The following SMYD3 variants were observed in gnomAD, a reference collection of about 807,000 sequenced individuals.
The protein encoded by SMYD3 is histone-lysine N-methyltransferase SMYD3.
SMYD3 carries 36 observed loss-of-function variants against 57.7 expected under a neutral mutation model. The observed-to-expected ratio is 0.62, with a 90% CI of 0.48 to 0.82. The LOEUF (loss-of-function observed/expected upper bound fraction) is 0.82. SMYD3 is among the 40% of genes least tolerant of loss of function. The pLI is 0.00. For synonymous variants in SMYD3, 211 were observed against 195.0 expected (o/e 1.08, Z -0.68); for missense variants, 515 against 538.8 (o/e 0.96, Z 0.44).
intron 5 of SMYD3, among the ~76,000 whole-genome samples, chr1:246,002,906 C>T (rs1431565551): frequency 6.6e-6 from 1 of 152,184 alleles, no homozygotes; most frequent in Non-Finnish European, 1.5e-5. Context: ...TGAGCCTCCG[C>T]GCCCGGCCAC....
intron 8 of SMYD3, among the ~76,000 whole-genome samples, chr1:245,868,969 AAGAGT>A (rs926744957): frequency 2.6e-5 from 4 of 152,234 alleles, no homozygotes; most frequent in South Asian, 2.1e-4. Context: ...TTGCAAATAG[AAGAGT>A]AAATTACTGT....
chr1:246,181,700 A>T (rs2062554131), intron 5 of SMYD3, among the ~76,000 whole-genome samples: 1 of 152,202 alleles, frequency 6.6e-6, no homozygotes, highest in African/African-American at 2.4e-5. Context: ...CCCCTTTGGG[A>T]TCTAGTCCTT....
chr1:245,943,783 C>T (rs1470500397), intron 5 of SMYD3, among the ~76,000 whole-genome samples: 1 of 152,146 alleles, frequency 6.6e-6, no homozygotes, highest in Non-Finnish European at 1.5e-5. Context: ...ACTTACCCAC[C>T]ATGATCAAGT....
At chr1:246,028,498 T>A (rs1343022836) in intron 5 of SMYD3, among the ~76,000 whole-genome samples, 1 of 151,984 alleles carries the variant, frequency 6.6e-6, no homozygotes, top group Non-Finnish European at 1.5e-5. Flanking sequence ...AAAACATAAA[T>A]AAAGTATCTA....
chr1:246,075,323 A>ATAAGAACTCAGTCTTACATGG (rs2060528263), intron 5 of SMYD3, among the ~76,000 whole-genome samples: 1 of 152,226 alleles, frequency 6.6e-6, no homozygotes, highest in Non-Finnish European at 1.5e-5. Flanking sequence ...GACGGCAGTG[A>ATAAGAACTCAGTCTTACATGG]TAAGAACTCA....
intron 10 of SMYD3, among the ~76,000 whole-genome samples, chr1:245,806,676 C>A (rs1039244112): frequency 6.6e-6 from 1 of 150,776 alleles, no homozygotes; most frequent in Non-Finnish European, 1.5e-5. Context: ...TTTGGGAGGC[C>A]GAGGCGGGTG....
chr1:246,394,944 T>G (rs1010274979), intron 1 of SMYD3, among the ~76,000 whole-genome samples: 1 of 152,072 alleles, frequency 6.6e-6, no homozygotes, highest in Non-Finnish European at 1.5e-5. Flanking sequence ...TTAGCTACAC[T>G]TTATTATATG....
chr1:246,110,459 T>C (rs1365190958), intron 5 of SMYD3, among the ~76,000 whole-genome samples: 2 of 152,202 alleles, frequency 1.3e-5, no homozygotes, highest in African/African-American at 4.8e-5. Context: ...TCAGCAGCTC[T>C]CTTACACTGT....
chr1:246,428,252 G>T (rs1163537180), intron 1 of SMYD3, among the ~76,000 whole-genome samples: 2 of 152,186 alleles, frequency 1.3e-5, no homozygotes, highest in South Asian at 4.1e-4. Flanking sequence ...AAAGTATGCA[G>T]TGGGAAGGAA....
intron 5 of SMYD3, among the ~76,000 whole-genome samples, chr1:246,233,806 A>G (rs371226180): frequency 1.6e-5 from 2 of 128,620 alleles, no homozygotes; most frequent in Admixed American, 8.0e-5. Context: ...TGATGAACAT[A>G]TACCACACAG....
chr1:246,315,130 A>G (rs2065136412), intron 5 of SMYD3, among the ~76,000 whole-genome samples: 1 of 152,196 alleles, frequency 6.6e-6, no homozygotes. Context: ...AAAAATGGGA[A>G]GGCTATGGTA....
chr1:245,887,637 A>T (rs1386919567), intron 8 of SMYD3, among the ~76,000 whole-genome samples: 1 of 152,180 alleles, frequency 6.6e-6, no homozygotes, highest in African/African-American at 2.4e-5. Flanking sequence ...TCTCCTGTGA[A>T]GTCTTTCTAG....
intron 5 of SMYD3, among the ~76,000 whole-genome samples, chr1:246,123,177 G>A (rs2061449686): frequency 6.6e-6 from 1 of 152,120 alleles, no homozygotes; most frequent in East Asian, 1.9e-4. Flanking sequence ...CAAAAAATGA[G>A]CTGAATATGT....
At chr1:246,273,751 A>AT (rs1414495032) in intron 5 of SMYD3, among the ~76,000 whole-genome samples, 5 of 150,880 alleles carry the variant, frequency 3.3e-5, no homozygotes, top group Admixed American at 2.6e-4. Context: ...CACCCTGCTA[A>AT]TTTTTGTATT....
chr1:245,805,451 T>G (rs751153435), intron 10 of SMYD3, among the ~76,000 whole-genome samples: 2 of 152,234 alleles, frequency 1.3e-5, no homozygotes, highest in Non-Finnish European at 2.9e-5. Flanking sequence ...ATGTTTCTAA[T>G]CAGTTTTGTC....
At chr1:246,005,255 C>T (rs980800569) in intron 5 of SMYD3, among the ~76,000 whole-genome samples, 2 of 152,174 alleles carry the variant, frequency 1.3e-5, no homozygotes, top group Non-Finnish European at 2.9e-5. Flanking sequence ...CTTAATTAGC[C>T]AGATAGAGCA....
intron 1 of SMYD3, among the ~76,000 whole-genome samples, chr1:246,493,071 TAAATA>T (rs1254581976): frequency 6.6e-6 from 1 of 152,178 alleles, no homozygotes; most frequent in Non-Finnish European, 1.5e-5. Flanking sequence ...TACACTTAAA[TAAATA>T]AAAGGGTAAA....
chr1:246,263,707 C>T (rs2064053539), intron 5 of SMYD3, among the ~76,000 whole-genome samples: 1 of 152,128 alleles, frequency 6.6e-6, no homozygotes, highest in Admixed American at 6.5e-5. Context: ...TATGTACCTT[C>T]AACAAATTAT....
chr1:246,233,536 C>A (rs1289573594), intron 5 of SMYD3, among the ~76,000 whole-genome samples: 2 of 139,518 alleles, frequency 1.4e-5, no homozygotes, highest in Non-Finnish European at 3.1e-5. Context: ...AGGAGAAGCA[C>A]TCCTTCAATC....
Sources: gnomAD v4.1 joint callset for allele counts (sites outside exome capture counted in the v4.1 genomes callset) on GRCh38, gnomAD v4.1.1 for gene constraint, MANE v1.5 for transcripts, NCBI Gene and HGNC (gene_info 2026-07-23, HGNC 2026-07-21) for gene names.